RYR3: variants seen among roughly 807,000 people sequenced by gnomAD.
The protein encoded by RYR3 is ryanodine receptor 3.
RYR3 carries 207 observed loss-of-function variants against 584.3 expected under a neutral mutation model. The observed-to-expected ratio is 0.35, with a 90% CI of 0.32 to 0.40. The LOEUF (loss-of-function observed/expected upper bound fraction) is 0.40, where lower values mean the gene tolerates loss of function less well. RYR3 is among the 10% of genes least tolerant of loss of function. The pLI, the probability that RYR3 is intolerant of heterozygous loss-of-function variation, is 1.00. For synonymous variants in RYR3, 2,416 were observed against 2,248.5 expected (o/e 1.07, Z -2.11); for missense variants, 5,616 against 6,089.2 (o/e 0.92, Z 2.59).
chr15:33,815,429 C>T (rs1174620439), intron 74 of RYR3: 2 of 153,870 alleles, frequency 1.3e-5, no homozygotes. Flanking sequence ...TCTCTGGGAC[C>T]AGGACAGCTA....
chr15:33,331,636 T>G (rs1348256318), intron 1 of RYR3, among the ~76,000 whole-genome samples: 4 of 151,814 alleles, frequency 2.6e-5, no homozygotes, highest in Non-Finnish European at 5.9e-5. Flanking sequence ...AATAAAGACT[T>G]AAGACATTTT....
intron 18 of RYR3, among the ~76,000 whole-genome samples, chr15:33,607,250 T>C (rs1182294836): frequency 2.0e-5 from 3 of 152,166 alleles, no homozygotes; most frequent in East Asian, 3.8e-4. Flanking sequence ...TTGTTACTCA[T>C]CAGAGGGGAC....
At chr15:33,612,485 C>T (rs1258175632) in intron 18 of RYR3, among the ~76,000 whole-genome samples, 6 of 152,242 alleles carry the variant, frequency 3.9e-5, no homozygotes, top group Admixed American at 6.5e-5. Context: ...CTCAGCCTCC[C>T]GAGTAGCTGG....
At chr15:33,758,669 T>C (rs2072116548) in intron 60 of RYR3, among the ~76,000 whole-genome samples, 1 of 152,150 alleles carries the variant, frequency 6.6e-6, no homozygotes, top group Non-Finnish European at 1.5e-5. Context: ...AAAACTCCCA[T>C]ATCCCTGGGA....
At chr15:33,750,728 A>AT (rs149164438) in intron 57 of RYR3, among the ~76,000 whole-genome samples, 4 of 152,002 alleles carry the variant, frequency 2.6e-5, no homozygotes, top group Admixed American at 6.6e-5. Context: ...TACCCTAGAT[A>AT]TTTTTTTATT....
rs1205112365 is a variant in RYR3 at position 33,539,479 on chromosome 15, A to G, written c.546+17A>G. 6 of 1,475,542 alleles carry G rather than the reference A, an allele frequency of 4.1e-6. No individual in the cohort carries two copies. Among genetic ancestry groups the G allele is most frequent in the East Asian group, 2.4e-5 (1 of 42,192 alleles). The allele number at this position is 1,475,542 out of a possible 1,614,324, so 91.4% of individuals were successfully genotyped here. On this transcript the variant is annotated intron_variant, in intron 6 of 103. Coordinates refer to ENST00000634891, the MANE Select transcript of RYR3 (RefSeq NM_001036.6). The stretch of plus-strand genomic sequence containing the variant: ...AGATACCTTGTAAGTACCTCATAAT[A>G]TAAGAGTCTTCTGTTTTCAGAAATT...
At chr15:33,653,336 GT>G (rs2062607112) in intron 32 of RYR3, among the ~76,000 whole-genome samples, 1 of 152,090 alleles carries the variant, frequency 6.6e-6, no homozygotes, top group Admixed American at 6.6e-5. Context: ...TTGCAAAAAG[GT>G]TATCCACATT....
At chr15:33,344,862 A>G (rs1314880920) in intron 1 of RYR3, among the ~76,000 whole-genome samples, 1 of 152,186 alleles carries the variant, frequency 6.6e-6, no homozygotes, top group African/African-American at 2.4e-5. Context: ...TATAATTGAA[A>G]AGTCTTGAGC....
intron 1 of RYR3, among the ~76,000 whole-genome samples, chr15:33,324,535 C>G (rs973946255): frequency 6.6e-6 from 1 of 152,190 alleles, no homozygotes; most frequent in Non-Finnish European, 1.5e-5. Flanking sequence ...CTTTCTTCAT[C>G]TTTGGTGCTT....
chr15:33,335,144 G>T (rs1970807323), intron 1 of RYR3, among the ~76,000 whole-genome samples: 2 of 152,160 alleles, frequency 1.3e-5, no homozygotes, highest in African/African-American at 4.8e-5. Flanking sequence ...CCTAAAGACA[G>T]AAATACCATT....
chr15:33,746,037 A>G (rs973278448), intron 52 of RYR3, 31 bp from the exon 53 acceptor site: 1 of 1,472,418 alleles, frequency 6.8e-7, no homozygotes, highest in African/African-American at 1.4e-5. Flanking sequence ...TTTGCGTGCC[A>G]AGGATATTTG....
At position 33,768,722 on chromosome 15, in the gene RYR3, G is replaced by T. The variant is rs2073314241; in HGVS notation, c.8755+15G>T. The T allele has an allele frequency of 1.2e-6, 2 of 1,612,890 alleles. No individual in the cohort carries two copies. The highest frequency in any genetic ancestry group is 1.7e-6 in the Non-Finnish European group (2 of 1,178,976). ...TTCCCTCTTTGGTAAGTGAAGTGTTGCTCAAGGTACCGCTCCTCCCTGTAA... is the reference window on the plus strand; with the variant it reads ...TTCCCTCTTTGGTAAGTGAAGTGTTTCTCAAGGTACCGCTCCTCCCTGTAA... On this transcript the variant is annotated intron_variant, in intron 61 of 103. Coordinates refer to ENST00000634891, the MANE Select transcript of RYR3 (RefSeq NM_001036.6).
intron 67 of RYR3, among the ~76,000 whole-genome samples, chr15:33,793,209 G>C (rs184264208): frequency 7.2e-5 from 11 of 152,282 alleles, no homozygotes; most frequent in Admixed American, 5.9e-4. Context: ...GGGTGTAGGG[G>C]AGTGCAGAAC....
At chr15:33,698,651 G>A (rs1192956504) in intron 40 of RYR3, among the ~76,000 whole-genome samples, 1 of 151,672 alleles carries the variant, frequency 6.6e-6, no homozygotes, top group African/African-American at 2.4e-5. Flanking sequence ...ATGATTTCTG[G>A]TGCAGTTTCA....
chr15:33,521,420 C>T (rs2053974486), intron 3 of RYR3, among the ~76,000 whole-genome samples: 2 of 152,244 alleles, frequency 1.3e-5, no homozygotes, highest in East Asian at 1.9e-4. Context: ...GCCACCTTCT[C>T]ATCCAGGAAA....
chr15:33,650,020 C>G (rs1478885194), intron 31 of RYR3, among the ~76,000 whole-genome samples: 1 of 152,192 alleles, frequency 6.6e-6, no homozygotes. Flanking sequence ...TGTTGGCTCA[C>G]CAAAGACTAG....
intron 1 of RYR3, among the ~76,000 whole-genome samples, chr15:33,426,835 C>T (rs1286701284): frequency 6.6e-6 from 1 of 152,170 alleles, no homozygotes; most frequent in African/African-American, 2.4e-5. Flanking sequence ...GTGGTACCAG[C>T]ATGATCAGGT....
At chr15:33,582,628 A>G (rs991800913) in intron 14 of RYR3, among the ~76,000 whole-genome samples, 1 of 152,152 alleles carries the variant, frequency 6.6e-6, no homozygotes, top group African/African-American at 2.4e-5. Flanking sequence ...CTGTCATTTC[A>G]CTGATGATGA....
intron 60 of RYR3, among the ~76,000 whole-genome samples, chr15:33,767,109 G>C (rs1294265605): frequency 6.6e-6 from 1 of 152,216 alleles, no homozygotes; most frequent in Non-Finnish European, 1.5e-5. Flanking sequence ...CCAACTTGAA[G>C]CATTTTCACC....
Sources: gnomAD v4.1 joint callset for allele counts (sites outside exome capture counted in the v4.1 genomes callset) on GRCh38, gnomAD v4.1.1 for gene constraint, MANE v1.5 for transcripts, NCBI Gene and HGNC (gene_info 2026-07-23, HGNC 2026-07-21) for gene names.